Variants in IRF8 observed in about 807,000 individuals in gnomAD.
IRF8 encodes interferon regulatory factor 8.
In IRF8, 14 loss-of-function variants were observed where a neutral mutation model predicts 48.7. The observed-to-expected ratio is 0.29, with a 90% CI of 0.19 to 0.45. IRF8 has a LOEUF of 0.45. IRF8 is among the 20% of genes least tolerant of loss of function. The pLI, the probability that IRF8 is intolerant of heterozygous loss-of-function variation, is 1.00. For missense variants in IRF8, 493 were observed against 580.7 expected, an observed-to-expected ratio of 0.85 and a Z score of 1.55; for synonymous variants, 278 against 227.3, an observed-to-expected ratio of 1.22 and a Z score of -2.01.
chr16:85,914,411 G>A, intron 5 of IRF8, 62 bp from the exon 6 acceptor site: 2 of 1,599,528 alleles, frequency 1.3e-6, no homozygotes, highest in South Asian at 2.2e-5. Flanking sequence ...GGAGCGATTG[G>A]GGTTACTCCC....
At position 85,911,563 on chromosome 16, in the gene IRF8, T is replaced by C. The variant is rs978350488; in HGVS notation, c.359-7T>C. The C allele has an allele frequency of 6.2e-7, 1 of 1,613,606 alleles. No homozygotes were observed. The highest frequency in any genetic ancestry group is 8.5e-7 in the Non-Finnish European group (1 of 1,179,532). Reference sequence around the variant, plus strand: ...ATGTGTCATGGTGTTTGTCTGGTTTTCTGTAGGCAAACTAGGCGTGGCAAC... The same window carrying C: ...ATGTGTCATGGTGTTTGTCTGGTTTCCTGTAGGCAAACTAGGCGTGGCAAC... On this transcript the variant is annotated splice_region_variant and splice_polypyrimidine_tract_variant and intron_variant, in intron 3 of 8. Coordinates refer to ENST00000268638, the MANE Select transcript of IRF8 (RefSeq NM_002163.4).
At chr16:85,899,451 G>C (rs1221825557) in intron 1 of IRF8, among the ~76,000 whole-genome samples, 1 of 152,262 alleles carries the variant, frequency 6.6e-6, no homozygotes, top group African/African-American at 2.4e-5. Flanking sequence ...AAGATTGGTA[G>C]ATAGATGCCT....
At chr16:85,911,453 G>T in intron 3 of IRF8, 117 bp from the exon 4 acceptor site, 1 of 851,680 alleles carries the variant, frequency 1.2e-6, no homozygotes. Flanking sequence ...AACCAATGAA[G>T]ACACTCACTA....
chr16:85,911,581 G>A lies in IRF8; in HGVS notation c.370G>A (p.Val124Met), dbSNP rs138854374. 2.8e-4 allele frequency: 447 copies of A among 1,614,064 alleles called. 1 individual carries two copies. The African/African-American group carries it at 4.6e-3, about 17-fold the overall frequency. ...PEEEQKCKLG[V>M]ATAGCVNEVT... Reference sequence around the variant, plus strand: ...CTGGTTTTCTGTAGGCAAACTAGGCGTGGCAACTGCTGGCTGCGTGAATGA... The same window carrying A: ...CTGGTTTTCTGTAGGCAAACTAGGCATGGCAACTGCTGGCTGCGTGAATGA... Residue 124 changes from valine to methionine, a missense_variant, in exon 4 of 9, where the codon GTG becomes ATG. Transcript: ENST00000268638.
Position 85,921,219 on chromosome 16 carries a change from T to A in IRF8, c.1218T>A (p.Phe406Leu). 6.2e-7 allele frequency: 1 copy of A among 1,614,214 alleles called. No individual in the cohort carries two copies. Among genetic ancestry groups the A allele is most frequent in the Non-Finnish European group, 8.5e-7 (1 of 1,180,048 alleles). Residue 406 changes from phenylalanine (F) to leucine (L), a missense_variant, in exon 9 of 9, where the codon TTT (phenylalanine) becomes TTA (leucine). This residue lies in a region of IRF8 where 408 missense variants were observed against 449.6 expected (regional missense o/e 0.91). Transcript: ENST00000268638. ...EPPPDQVFRM[F>L]PDICASHQRS... ...CGCCAGACCAGGTCTTCCGGATGTT[T>A]CCAGATATTTGTGCCTCACACCAGA...
Position 85,921,463 on chromosome 16 carries a change from C to A in IRF8, c.*181C>A. On this transcript the variant is annotated 3_prime_UTR_variant, in exon 9 of 9. Transcript: ENST00000268638. ...GTTTAATACGAAGTGGCGGCATAGC[C>A]CTGCCGAGATGTCGGTGATGGCCTG... The A allele has an allele frequency of 1.4e-6, 1 of 691,298 alleles. No homozygotes were observed. The highest frequency in any genetic ancestry group is 2.5e-6 in the Non-Finnish European group (1 of 397,444). The allele number at this position is 691,298 out of a possible 1,614,324, so 42.8% of individuals were successfully genotyped here. A position where few individuals can be genotyped will look rare whatever the true frequency, so the allele number is the denominator to read the frequency against.
intron 6 of IRF8, among the ~76,000 whole-genome samples, chr16:85,917,240 G>T (rs545881136): frequency 6.6e-6 from 1 of 152,296 alleles, no homozygotes; most frequent in Admixed American, 6.5e-5. Flanking sequence ...GCCTCGAACC[G>T]GTCTGGGGTA....
intron 1 of IRF8, chr16:85,902,591 C>T: frequency 3.8e-6 from 1 of 259,922 alleles, no homozygotes; most frequent in East Asian, 9.0e-5. Context: ...CATCTGGTAG[C>T]CCAGTTGGTT....
intron 6 of IRF8, among the ~76,000 whole-genome samples, chr16:85,915,319 G>A (rs547069920): frequency 1.8e-4 from 27 of 152,214 alleles, no homozygotes; most frequent in Non-Finnish European, 3.5e-4. Context: ...GCGAGCAGCT[G>A]GTCTCATCAG....
intron 2 of IRF8, 98 bp from the exon 3 acceptor site, chr16:85,908,892 C>G (rs1217913577): frequency 1.9e-6 from 2 of 1,048,384 alleles, no homozygotes; most frequent in Non-Finnish European, 1.5e-6. Flanking sequence ...AACAAAGATT[C>G]ATGGGAAGGG....
intron 1 of IRF8, among the ~76,000 whole-genome samples, chr16:85,900,220 C>T (rs534156752): frequency 6.6e-6 from 1 of 152,260 alleles, no homozygotes; most frequent in Non-Finnish European, 1.5e-5. Flanking sequence ...GGGTCTGCTG[C>T]TGCCAGCTCA....
At chr16:85,907,405 C>T (rs572917893) in intron 2 of IRF8, among the ~76,000 whole-genome samples, 9 of 152,236 alleles carry the variant, frequency 5.9e-5, no homozygotes, top group African/African-American at 2.2e-4. Context: ...CTGGGCCGGG[C>T]GCGGTGGCTC....
intron 1 of IRF8, chr16:85,902,710 C>T: frequency 2.4e-6 from 1 of 422,760 alleles, no homozygotes; most frequent in Non-Finnish European, 4.4e-6. Context: ...GTTGTATCTG[C>T]CTGAAAGGAA....
In IRF8 at chr16:85,903,080, T is replaced by G; in HGVS notation, c.65T>G (p.Met22Arg). The G allele has an allele frequency of 1.2e-6, 2 of 1,614,230 alleles. No individual in the cohort carries two copies. Among genetic ancestry groups the G allele is most frequent in the Non-Finnish European group, 1.7e-6 (2 of 1,180,040 alleles). ...CTGATCGAGCAGATTGACAGTAGCA[T>G]GTATCCAGGACTGATTTGGGAGAAT... The part of the protein sequence containing the change: ...QWLIEQIDSS[M>R]YPGLIWENEE... The change falls in exon 2 of 9, where the codon ATG becomes AGG. Residue 22 changes from methionine (M) to arginine (R), a missense_variant. By Grantham distance (91) the Met-to-Arg change is moderately conservative. Transcript: ENST00000268638.
intron 5 of IRF8, among the ~76,000 whole-genome samples, chr16:85,913,494 G>A (rs945683700): frequency 4.0e-5 from 6 of 150,042 alleles, no homozygotes; most frequent in African/African-American, 1.2e-4. Flanking sequence ...GTCCATGCCA[G>A]CTCTCCCCAC....
chr16:85,904,872 C>A (rs530228461), intron 2 of IRF8, among the ~76,000 whole-genome samples: 20 of 135,744 alleles, frequency 1.5e-4, no homozygotes, highest in Non-Finnish European at 2.1e-4. Flanking sequence ...GGAAGGACTG[C>A]AAATGTAAAC....
intron 1 of IRF8, among the ~76,000 whole-genome samples, 161 bp downstream of exon 1, chr16:85,899,384 A>C (rs1373720679): frequency 6.6e-6 from 1 of 152,194 alleles, no homozygotes; most frequent in East Asian, 1.9e-4. Flanking sequence ...CCTATTTTCC[A>C]GCCACCTAAG....
rs766228782 is a variant in IRF8, at chr16:85,918,754, G to A, written c.939G>A (p.Leu313=). The change falls in exon 7 of 9, where the codon CTG becomes CTA. Residue 313 remains leucine (L), a synonymous_variant. Coordinates refer to ENST00000268638, the MANE Select transcript of IRF8 (RefSeq NM_002163.4). ...AVVCKGRPNK[L]ERDEVVQVFD... ...TGTGCAAAGGCAGGCCCAACAAGCT[G>A]GAGCGTGATGAGGTGGTCCAGGTCT... 6.2e-7 allele frequency: 1 copy of A among 1,612,118 alleles called. No individual in the cohort carries two copies. Among genetic ancestry groups the A allele is most frequent in the East Asian group, 2.2e-5 (1 of 44,888 alleles).
chr16:85,915,471 A>G (rs1218343324), intron 6 of IRF8, among the ~76,000 whole-genome samples: 2 of 152,122 alleles, frequency 1.3e-5, no homozygotes, highest in Admixed American at 1.3e-4. Context: ...AACTGTCGAG[A>G]TGGCAATGCC....
Sources: gnomAD v4.1 joint callset for allele counts (sites outside exome capture counted in the v4.1 genomes callset) on GRCh38, gnomAD v4.1.1 for gene constraint, gnomAD v4.1.1 regional missense constraint, MANE v1.5 for transcripts, NCBI Gene and HGNC (gene_info 2026-07-23, HGNC 2026-07-21) for gene names.